The following LRCH2 variants were observed in gnomAD, a reference collection of about 807,000 sequenced individuals.
The protein encoded by LRCH2 is leucine-rich repeat and calponin homology domain-containing protein 2.
A neutral mutation model predicts 68.9 loss-of-function variants in LRCH2; 38 were observed. That is an observed-to-expected ratio of 0.55 (90% CI 0.43 to 0.72). LRCH2 has a LOEUF of 0.72. Among genes scored for constraint, LRCH2 ranks in the 30% least tolerant of loss-of-function variants. The pLI, the probability that LRCH2 is intolerant of heterozygous loss-of-function variation, is 0.00. For missense variants in LRCH2, 528 were observed against 572.9 expected, an observed-to-expected ratio of 0.92 and a Z score of 0.80; for synonymous variants, 191 against 208.1, an observed-to-expected ratio of 0.92 and a Z score of 0.71.
At chrX:115,192,529 G>C in intron 1 of LRCH2, 2 of 1,169,270 alleles carry the variant, frequency 1.7e-6, no homozygotes, top group Non-Finnish European at 2.3e-6. Context: ...TCTGCCCATG[G>C]AAACGGGCAG....
intron 20 of LRCH2, 107 bp from the exon 21 acceptor site, chrX:115,113,442 T>C: frequency 1.7e-6 from 1 of 604,195 alleles, no homozygotes; most frequent in African/African-American, 2.3e-5. Flanking sequence ...TCAAGAAAAC[T>C]ACATAATTCT....
chrX:115,145,435 T>C (rs1034550050), intron 14 of LRCH2, among the ~76,000 whole-genome samples: 1 of 110,448 alleles, frequency 9.1e-6, no homozygotes, highest in Non-Finnish European at 1.9e-5. Context: ...AAAGCAAACA[T>C]GGAGAAATGG....
At chrX:115,140,958 C>T (rs914639900) in intron 14 of LRCH2, among the ~76,000 whole-genome samples, 2 of 110,938 alleles carry the variant, frequency 1.8e-5, no homozygotes, top group Admixed American at 9.6e-5. Flanking sequence ...TGAGGCCAGG[C>T]GTGGTAGCTC....
intron 1 of LRCH2, among the ~76,000 whole-genome samples, chrX:115,189,176 T>C (rs2072758181): frequency 8.9e-6 from 1 of 112,453 alleles, no homozygotes; most frequent in Non-Finnish European, 1.9e-5. Context: ...GGAAAGATTA[T>C]TTTCCTCTGG....
chrX:115,182,233 A>G (rs2072697472), intron 3 of LRCH2, among the ~76,000 whole-genome samples: 1 of 111,885 alleles, frequency 8.9e-6, no homozygotes, highest in Non-Finnish European at 1.9e-5. Context: ...ACATCATGTA[A>G]TGTAATTAAA....
intron 1 of LRCH2, among the ~76,000 whole-genome samples, chrX:115,218,685 T>C (rs138000634): frequency 1.4e-3 from 158 of 112,321 alleles, no homozygotes; most frequent in African/African-American, 4.9e-3. Context: ...ATCAGATTGA[T>C]TGCAGGCCAT....
intron 1 of LRCH2, among the ~76,000 whole-genome samples, chrX:115,222,214 T>TA (rs1322535420): frequency 8.9e-6 from 1 of 111,893 alleles, no homozygotes; most frequent in African/African-American, 3.2e-5. Flanking sequence ...CCTTTCATGA[T>TA]AAAAACATTT....
rs1000274183 is a variant in LRCH2 at position 115,174,261 on chromosome X, G to A, written c.865-3829C>T. ...GTTCAACTCTCTTAACAAATTTCAA[G>A]TAAATACAATATTATTAACTATTAT... On this transcript the variant is annotated intron_variant, in intron 5 of 20. Transcript: ENST00000317135. Among the ~76,000 whole-genome samples, 25 of 110,951 alleles carry A rather than the reference G, an allele frequency of 2.3e-4. No homozygotes were observed. In the Admixed American group the frequency reaches 2.4e-3, roughly 11 times the overall value.
chrX:115,184,236 G>A (rs1401642172), intron 3 of LRCH2, among the ~76,000 whole-genome samples, 175 bp downstream of exon 3: 1 of 111,898 alleles, frequency 8.9e-6, no homozygotes, highest in African/African-American at 3.2e-5. Context: ...TTTGTGACTG[G>A]AAAAACTCAG....
At chrX:115,163,290 T>C (rs1603050336) in intron 11 of LRCH2, among the ~76,000 whole-genome samples, 1 of 111,921 alleles carries the variant, frequency 8.9e-6, no homozygotes, top group African/African-American at 3.2e-5. Flanking sequence ...ATAATGCTAC[T>C]GTGAGCTAAA....
At chrX:115,177,629 C>G (rs781933274) in intron 5 of LRCH2, among the ~76,000 whole-genome samples, 1 of 111,859 alleles carries the variant, frequency 8.9e-6, no homozygotes, top group South Asian at 3.8e-4. Context: ...CCACATGTGT[C>G]TATTTATTTA....
intron 12 of LRCH2, 57 bp downstream of exon 12, chrX:115,156,545 C>G: frequency 1.3e-6 from 1 of 793,567 alleles, no homozygotes; most frequent in Non-Finnish European, 1.8e-6. Context: ...ACATCACTGT[C>G]AAAGGATCAA....
intron 6 of LRCH2, among the ~76,000 whole-genome samples, chrX:115,167,219 A>AAAAG (rs2072569083): frequency 1.1e-5 from 1 of 93,166 alleles, no homozygotes; most frequent in Non-Finnish European, 2.2e-5. Context: ...AAAAAAAAAA[A>AAAAG]CAATAACAAC....
chrX:115,191,863 C>A, intron 1 of LRCH2: 2 of 1,159,225 alleles, frequency 1.7e-6, no homozygotes, highest in Non-Finnish European at 1.1e-6. Flanking sequence ...CAGTTCCAGC[C>A]GGAACGACCC....
chrX:115,189,569 GA>G (rs2072764162), intron 1 of LRCH2: 2 of 1,173,155 alleles, frequency 1.7e-6, no homozygotes, highest in African/African-American at 3.5e-5. Context: ...ATGAAAGACC[GA>G]AAAACCAACA....
intron 12 of LRCH2, among the ~76,000 whole-genome samples, chrX:115,155,935 G>C (rs1204079258): frequency 4.5e-5 from 5 of 111,732 alleles, no homozygotes; most frequent in Non-Finnish European, 9.4e-5. Context: ...GTTGTAAAGA[G>C]TCATTAGAAG....
At chrX:115,163,120 T>A (rs1556542716) in intron 11 of LRCH2, among the ~76,000 whole-genome samples, 1 of 111,678 alleles carries the variant, frequency 9.0e-6, no homozygotes. Flanking sequence ...CAGACCAAAG[T>A]GAGCCAGTGA....
chrX:115,117,625 T>A (rs1368558799), intron 20 of LRCH2, among the ~76,000 whole-genome samples: 1 of 111,397 alleles, frequency 9.0e-6, no homozygotes, highest in Non-Finnish European at 1.9e-5. Flanking sequence ...ACAGCAATGG[T>A]CTATTCATAC....
Position 115,142,650 on chromosome X carries a change from C to A in LRCH2, c.1695+7177G>T, listed in dbSNP as rs1438696497. On this transcript the variant is annotated intron_variant, in intron 14 of 20. Coordinates refer to ENST00000317135, the MANE Select transcript of LRCH2 (RefSeq NM_020871.4). Reference sequence around the variant, plus strand: ...AAATGATAATACAAATACAACATAGCAAAACCTATGGGATACAGCAAAAAC... The same window carrying A: ...AAATGATAATACAAATACAACATAGAAAAACCTATGGGATACAGCAAAAAC... Among the ~76,000 whole-genome samples, 10 of 111,946 alleles carry A rather than the reference C, an allele frequency of 8.9e-5. No individual in the cohort carries two copies. The Admixed American group carries it at 9.5e-4, about 11-fold the overall frequency.
Sources: allele counts gnomAD v4.1 joint callset (sites outside exome capture counted in the v4.1 genomes callset), GRCh38; gene constraint gnomAD v4.1.1; transcripts MANE v1.5; gene names NCBI Gene and HGNC (gene_info 2026-07-23, HGNC 2026-07-21).